Variants in ARL14EPL observed in about 807,000 individuals in gnomAD.
The protein encoded by ARL14EPL is ARF like GTPase 14 effector protein like, also known as ARL14 effector protein-like.
A neutral mutation model predicts 15.9 loss-of-function variants in ARL14EPL; 17 were observed. The ratio of observed to expected loss-of-function variants is 1.07; its 90% confidence interval spans 0.73 to 1.60. The LOEUF (loss-of-function observed/expected upper bound fraction) is 1.60, where lower values mean the gene tolerates loss of function less well. ARL14EPL is among the 40% of genes most tolerant of loss of function. ARL14EPL has a pLI of 0.00. For missense variants in ARL14EPL, 214 were observed against 185.9 expected (o/e 1.15, Z -0.88); for synonymous variants, 78 against 63.8 (o/e 1.22, Z -1.06).
intron 1 of ARL14EPL, among the ~76,000 whole-genome samples, chr5:116,040,383 A>G (rs1749127088): frequency 6.6e-6 from 1 of 151,606 alleles, no homozygotes; most frequent in African/African-American, 2.4e-5. Flanking sequence ...AATTAATAGA[A>G]ATTATAGCCG....
At chr5:116,056,679 T>G (rs1309968566) in intron 3 of ARL14EPL, among the ~76,000 whole-genome samples, 1 of 152,226 alleles carries the variant, frequency 6.6e-6, no homozygotes, top group Non-Finnish European at 1.5e-5. Flanking sequence ...ATTTTGTCTT[T>G]TGTTGCCATT....
At chr5:116,042,086 C>G (rs1371823547) in intron 1 of ARL14EPL, among the ~76,000 whole-genome samples, 3 of 152,242 alleles carry the variant, frequency 2.0e-5, no homozygotes, top group Admixed American at 6.5e-5. Flanking sequence ...CCACCTTGGC[C>G]TCCCAATGTG....
intron 1 of ARL14EPL, among the ~76,000 whole-genome samples, chr5:116,044,820 C>A (rs991143919): frequency 9.9e-5 from 15 of 152,136 alleles, no homozygotes; most frequent in African/African-American, 3.4e-4. Flanking sequence ...ACTGTAGAAG[C>A]ACCTTTGAGG....
intron 1 of ARL14EPL, among the ~76,000 whole-genome samples, chr5:116,048,231 G>A (rs1007302967): frequency 2.0e-5 from 3 of 152,118 alleles, no homozygotes; most frequent in Non-Finnish European, 2.9e-5. Flanking sequence ...TTATTAACCT[G>A]ATTTCACACT....
chr5:116,054,666 C>T (rs1195606719), intron 3 of ARL14EPL, among the ~76,000 whole-genome samples: 2 of 152,044 alleles, frequency 1.3e-5, no homozygotes, highest in Admixed American at 1.3e-4. Context: ...CCCGTCTCTA[C>T]TAAAAATACA....
At chr5:116,053,110 C>T (rs145743306) in intron 2 of ARL14EPL, among the ~76,000 whole-genome samples, 52 of 152,188 alleles carry the variant, frequency 3.4e-4, no homozygotes, top group Admixed American at 3.1e-3. Flanking sequence ...TTTGGGAGCC[C>T]AAGGCAGATG....
chr5:116,050,551 A>T (rs1049214661), intron 1 of ARL14EPL, among the ~76,000 whole-genome samples: 19 of 152,304 alleles, frequency 1.2e-4, no homozygotes, highest in East Asian at 3.9e-4. Context: ...TGGAATTTCC[A>T]ATTGGTCAGC....
chr5:116,052,316 C>A, intron 2 of ARL14EPL: 1 of 1,076,104 alleles, frequency 9.3e-7, no homozygotes, highest in Non-Finnish European at 1.4e-6. Flanking sequence ...GCAGACACCG[C>A]AGCCTTGCAA....
chr5:116,032,750 A>C (rs1489364571), intron 1 of ARL14EPL, among the ~76,000 whole-genome samples: 1 of 152,132 alleles, frequency 6.6e-6, no homozygotes, highest in Non-Finnish European at 1.5e-5. Context: ...GGTAGCATAT[A>C]ATTCCTGATA....
At chr5:116,037,275 G>A (rs142056467) in intron 1 of ARL14EPL, among the ~76,000 whole-genome samples, 1 of 152,228 alleles carries the variant, frequency 6.6e-6, no homozygotes, top group East Asian at 1.9e-4. Flanking sequence ...GAAACACATG[G>A]ACTATATGGT....
intron 1 of ARL14EPL, among the ~76,000 whole-genome samples, chr5:116,040,932 A>AT (rs201845131): frequency 0.011 from 1,438 of 136,470 alleles, 8 homozygotes; most frequent in Non-Finnish European, 0.015. Flanking sequence ...GTGAGCTGAA[A>AT]TAGCGCCACT....
intron 2 of ARL14EPL, among the ~76,000 whole-genome samples, chr5:116,052,804 A>C (rs970806001): frequency 2.6e-5 from 4 of 152,232 alleles, no homozygotes; most frequent in Non-Finnish European, 5.9e-5. Flanking sequence ...AATTTGTTAC[A>C]TTGAAATTCC....
chr5:116,053,999 T>G lies in ARL14EPL; in HGVS notation c.97-15T>G, dbSNP rs576260181. The G allele has an allele frequency of 1.4e-3, 2,145 of 1,522,840 alleles. 2 individuals carry two copies. Among genetic ancestry groups the G allele is most frequent in the Non-Finnish European group, 1.8e-3 (2,009 of 1,141,826 alleles). The allele number at this position is 1,522,840 out of a possible 1,614,324, so 94.3% of individuals were successfully genotyped here. On this transcript the variant is annotated splice_polypyrimidine_tract_variant and intron_variant, in intron 2 of 3. Transcript: ENST00000686077. ...TATCTGGTTCTTACTATTAATACAT[T>G]TATTTGTTTAATAGCAACAAATAGA... is the stretch of plus-strand genomic sequence containing the variant.
chr5:116,042,873 C>A (rs550514775), intron 1 of ARL14EPL, among the ~76,000 whole-genome samples: 8 of 152,070 alleles, frequency 5.3e-5, no homozygotes, highest in Non-Finnish European at 1.0e-4. Context: ...CCTATAAATA[C>A]TCTTTGTATT....
intron 1 of ARL14EPL, among the ~76,000 whole-genome samples, chr5:116,048,423 T>A (rs1749312837): frequency 6.6e-6 from 1 of 152,168 alleles, no homozygotes; most frequent in African/African-American, 2.4e-5. Context: ...ATCTTATTTT[T>A]GTGTCACGGA....
chr5:116,036,224 C>A (rs1400245418), intron 1 of ARL14EPL, among the ~76,000 whole-genome samples: 2 of 152,194 alleles, frequency 1.3e-5, no homozygotes, highest in African/African-American at 4.8e-5. Context: ...TACTGCTAAA[C>A]CCCATTCACC....
At chr5:116,053,792 T>C (rs2112680013) in intron 2 of ARL14EPL, among the ~76,000 whole-genome samples, 1 of 152,310 alleles carries the variant, frequency 6.6e-6, no homozygotes, top group South Asian at 2.1e-4. Context: ...ATTTTTATTT[T>C]ATGAGTGTTA....
At position 116,042,430 on chromosome 5, in the gene ARL14EPL, G is replaced by C. The variant is rs140408653; in HGVS notation, c.-9-9027G>C. Among the ~76,000 whole-genome samples, 595 of 152,262 alleles carry C rather than the reference G, an allele frequency of 3.9e-3. 8 individuals carry two copies. The highest frequency in any genetic ancestry group is 0.014 in the African/African-American group (563 of 41,536). Reference sequence around the variant, plus strand: ...CTACTGGTCCTGGCTCAGGTCTGTAGTATTCTATATCAGTGCCATCCACTT... The same window carrying C: ...CTACTGGTCCTGGCTCAGGTCTGTACTATTCTATATCAGTGCCATCCACTT... On this transcript the variant is annotated intron_variant, in intron 1 of 3. Transcript: ENST00000686077.
intron 2 of ARL14EPL, among the ~76,000 whole-genome samples, chr5:116,053,662 C>G (rs951446279): frequency 1.4e-4 from 21 of 152,184 alleles, no homozygotes; most frequent in African/African-American, 3.9e-4. Context: ...GGCCTCTACT[C>G]CTTCATCCTT....
Sources: allele counts gnomAD v4.1 joint callset (sites outside exome capture counted in the v4.1 genomes callset), GRCh38; gene constraint gnomAD v4.1.1; transcripts MANE v1.5; gene names NCBI Gene and HGNC (gene_info 2026-07-23, HGNC 2026-07-21).